The following COL22A1 variants were observed in gnomAD, a reference collection of about 807,000 sequenced individuals.
COL22A1 encodes the protein collagen type XXII alpha 1 chain.
Under a neutral mutation model 248.9 loss-of-function variants are expected in COL22A1, and 221 were observed. That is an observed-to-expected ratio of 0.89 (90% confidence interval 0.80 to 0.99). The LOEUF (loss-of-function observed/expected upper bound fraction) is 0.99, where lower values mean the gene tolerates loss of function less well. Among genes scored for constraint, COL22A1 ranks in the 50% least tolerant of loss-of-function variants. COL22A1 has a pLI of 0.00. For missense variants in COL22A1, 2,240 were observed against 2,179.0 expected, an observed-to-expected ratio of 1.03 and a Z score of -0.56; for synonymous variants, 891 against 793.4, an observed-to-expected ratio of 1.12 and a Z score of -2.07.
intron 41 of COL22A1, among the ~76,000 whole-genome samples, chr8:138,669,099 C>T (rs1015710962): frequency 6.6e-6 from 1 of 152,160 alleles, no homozygotes; most frequent in Non-Finnish European, 1.5e-5. Flanking sequence ...GCTGGAGAGG[C>T]CTCTGAAGCT....
At chr8:138,738,497 AT>A (rs1032738141) in intron 22 of COL22A1, among the ~76,000 whole-genome samples, 3 of 152,264 alleles carry the variant, frequency 2.0e-5, no homozygotes, top group South Asian at 2.1e-4. Flanking sequence ...TAAGATCTAC[AT>A]TTTTTTGAGT....
chr8:138,871,956 C>T (rs1332375200), intron 3 of COL22A1, among the ~76,000 whole-genome samples: 1 of 152,174 alleles, frequency 6.6e-6, no homozygotes, highest in Non-Finnish European at 1.5e-5. Context: ...TATCAGTACA[C>T]CTACCAGACT....
At chr8:138,691,001 C>G in intron 35 of COL22A1, 127 bp from the exon 36 acceptor site, 1 of 683,142 alleles carries the variant, frequency 1.5e-6, no homozygotes, top group East Asian at 3.2e-5. Flanking sequence ...GACCTGACAG[C>G]CTCTGCAGAC....
chr8:138,637,171 G>C (rs1821254780), intron 47 of COL22A1, among the ~76,000 whole-genome samples: 1 of 152,104 alleles, frequency 6.6e-6, no homozygotes. Context: ...GTATAGTGTG[G>C]GATAGGCTAG....
chr8:138,660,807 C>T (rs1414889246), intron 43 of COL22A1, among the ~76,000 whole-genome samples: 2 of 53,842 alleles, frequency 3.7e-5, no homozygotes, highest in African/African-American at 8.9e-5. Flanking sequence ...CACACAGACA[C>T]ACATACACAC....
chr8:138,803,618 C>T (rs1338924860), intron 10 of COL22A1, among the ~76,000 whole-genome samples: 1 of 152,160 alleles, frequency 6.6e-6, no homozygotes, highest in Non-Finnish European at 1.5e-5. Flanking sequence ...CCCTGTGTAC[C>T]TGGGGCCCTC....
At chr8:138,908,638 G>T (rs1180368774) in intron 1 of COL22A1, among the ~76,000 whole-genome samples, 2 of 152,044 alleles carry the variant, frequency 1.3e-5, no homozygotes, top group East Asian at 1.9e-4. Context: ...CTGTAAAGGG[G>T]GTAACAGCAT....
intron 52 of COL22A1, among the ~76,000 whole-genome samples, chr8:138,621,110 G>C (rs1255604388): frequency 1.3e-5 from 2 of 152,184 alleles, no homozygotes; most frequent in Non-Finnish European, 2.9e-5. Flanking sequence ...TTGAAGAGGG[G>C]CCACCTAGTA....
At chr8:138,594,551 C>T (rs1388779444) in intron 62 of COL22A1, among the ~76,000 whole-genome samples, 1 of 152,196 alleles carries the variant, frequency 6.6e-6, no homozygotes, top group Non-Finnish European at 1.5e-5. Flanking sequence ...GAGCAAGCTA[C>T]TTGACCATTC....
intron 3 of COL22A1, among the ~76,000 whole-genome samples, chr8:138,861,177 A>G (rs1822427004): frequency 1.3e-5 from 2 of 152,168 alleles, no homozygotes; most frequent in South Asian, 2.1e-4. Flanking sequence ...CAGGGCATCC[A>G]TCACTCCTGC....
At chr8:138,732,820 G>A (rs1830809417) in intron 23 of COL22A1, among the ~76,000 whole-genome samples, 2 of 152,140 alleles carry the variant, frequency 1.3e-5, no homozygotes, top group African/African-American at 4.8e-5. Context: ...CAATGATGAT[G>A]CATGAATGAC....
intron 25 of COL22A1, among the ~76,000 whole-genome samples, chr8:138,723,537 C>T (rs529053543): frequency 3.9e-5 from 6 of 152,268 alleles, no homozygotes; most frequent in East Asian, 3.9e-4. Context: ...ATGTTCACAC[C>T]GATCTGCATA....
chr8:138,772,446 A>G (rs1013461087), intron 16 of COL22A1, among the ~76,000 whole-genome samples: 8 of 152,218 alleles, frequency 5.3e-5, no homozygotes, highest in African/African-American at 1.9e-4. Context: ...GGACAGGTCC[A>G]GGGAAACCCA....
At chr8:138,676,417 G>GA (rs1242826939) in intron 41 of COL22A1, 141 bp downstream of exon 41, 2 of 233,094 alleles carry the variant, frequency 8.6e-6, no homozygotes, top group Non-Finnish European at 1.4e-5. Context: ...GAAAGAAAAA[G>GA]AAAGAAAGAA....
intron 1 of COL22A1, among the ~76,000 whole-genome samples, chr8:138,888,618 T>C (rs1017612432): frequency 3.3e-5 from 5 of 152,098 alleles, no homozygotes; most frequent in African/African-American, 1.2e-4. Context: ...GGTATAATAG[T>C]CTGAATGACA....
At chr8:138,885,051 A>T (rs1824547713) in intron 1 of COL22A1, among the ~76,000 whole-genome samples, 1 of 152,086 alleles carries the variant, frequency 6.6e-6, no homozygotes, top group Non-Finnish European at 1.5e-5. Flanking sequence ...CACACAGGGG[A>T]AGCGAGCTGA....
chr8:138,871,142 C>G (rs536936146), intron 3 of COL22A1, among the ~76,000 whole-genome samples: 118 of 152,214 alleles, frequency 7.8e-4, no homozygotes, highest in African/African-American at 2.8e-3. Flanking sequence ...AGGCCAGACA[C>G]GCCACCCAGA....
chr8:138,637,490 G>T (rs760363888), intron 47 of COL22A1, among the ~76,000 whole-genome samples: 15 of 152,210 alleles, frequency 9.9e-5, no homozygotes, highest in Non-Finnish European at 2.1e-4. Context: ...AAACAATGAT[G>T]CCTACCCTGT....
chr8:138,848,595 C>T (rs1821416624), intron 3 of COL22A1, among the ~76,000 whole-genome samples: 1 of 152,190 alleles, frequency 6.6e-6, no homozygotes, highest in Admixed American at 6.5e-5. Flanking sequence ...GCCTTGTCAT[C>T]CCCTGGCTCT....
Sources: gnomAD v4.1 joint callset for allele counts (sites outside exome capture counted in the v4.1 genomes callset) on GRCh38, gnomAD v4.1.1 for gene constraint, MANE v1.5 for transcripts, NCBI Gene and HGNC (gene_info 2026-07-23, HGNC 2026-07-21) for gene names.